The following SVOP variants were observed in gnomAD, a reference collection of about 807,000 sequenced individuals.
The protein encoded by SVOP is SV2 related protein, also known as synaptic vesicle 2-related protein.
Under a neutral mutation model 69.1 loss-of-function variants are expected in SVOP, and 17 were observed. That is an observed-to-expected ratio of 0.25 (90% CI 0.17 to 0.37). The LOEUF (loss-of-function observed/expected upper bound fraction) is 0.37. SVOP is among the 10% of genes least tolerant of loss of function. The pLI is 1.00. For missense variants in SVOP, 435 were observed against 597.5 expected (o/e 0.73, Z 2.84); for synonymous variants, 238 against 238.6 (o/e 1.00, Z 0.02).
chr12:108,969,354 C>A (rs1167301926), intron 5 of SVOP, among the ~76,000 whole-genome samples: 1 of 142,238 alleles, frequency 7.0e-6, no homozygotes, highest in African/African-American at 2.6e-5. Flanking sequence ...CTCTCTTTCT[C>A]CTTTCTTCTT....
chr12:108,919,750 C>T lies in SVOP; in HGVS notation c.1193G>A (p.Gly398Glu). The T allele has an allele frequency of 6.2e-7, 1 of 1,604,554 alleles. No homozygotes were observed. The highest frequency in any genetic ancestry group is 8.5e-7 in the Non-Finnish European group (1 of 1,175,562). ...LVTLWIIDRLGRKKTMALCFV... is the reference protein window; with the variant it reads ...LVTLWIIDRLERKKTMALCFV... ...GCACAGGGCCATGGTCTTCTTGCGC[C>T]CCAGGCGGTCAATAATCCACAGAGT... The change falls in exon 13 of 16, where the codon GGG (glycine) becomes GAG (glutamate). Residue 398 changes from glycine (G) to glutamate (E), a missense_variant. By Grantham distance (98) the Gly-to-Glu change is moderately conservative. Transcript: ENST00000610966.
At chr12:109,017,230 A>T (rs1047066419) in intron 1 of SVOP, among the ~76,000 whole-genome samples, 1 of 151,950 alleles carries the variant, frequency 6.6e-6, no homozygotes, top group Non-Finnish European at 1.5e-5. Flanking sequence ...TTAGATTCTC[A>T]TAGGAGCGTG....
At chr12:108,948,160 C>T (rs1320762792) in intron 6 of SVOP, among the ~76,000 whole-genome samples, 2 of 152,130 alleles carry the variant, frequency 1.3e-5, no homozygotes, top group Non-Finnish European at 2.9e-5. Flanking sequence ...ATGAACACTC[C>T]CTTAGCTCCC....
chr12:108,998,132 G>GA (rs2040247269), intron 1 of SVOP, among the ~76,000 whole-genome samples: 1 of 152,204 alleles, frequency 6.6e-6, no homozygotes, highest in Non-Finnish European at 1.5e-5. Context: ...TAATGGAGCT[G>GA]AAAACCAAGG....
intron 1 of SVOP, among the ~76,000 whole-genome samples, chr12:109,009,644 A>C (rs749207467): frequency 9.2e-5 from 14 of 151,916 alleles, no homozygotes; most frequent in Non-Finnish European, 1.9e-4. Flanking sequence ...CGAACTCCTA[A>C]CCTCAAGTGA....
rs1171181449 is a variant in SVOP at position 108,960,972 on chromosome 12, G to A, written c.529C>T (p.Leu177=). The change falls in exon 6 of 16, where the codon CTG becomes TTG. Residue 177 remains leucine (L), a synonymous_variant. Coordinates refer to ENST00000610966, the MANE Select transcript of SVOP (RefSeq NM_018711.5). ...SAFAPVYSWI[L]VLRGLVGFGI... Reference sequence around the variant, plus strand: ...AAGCCCACCAGGCCCCGGAGCACCAGGATCCAGCTATACACGGGCGCAAAT... The same window carrying A: ...AAGCCCACCAGGCCCCGGAGCACCAAGATCCAGCTATACACGGGCGCAAAT... 3 of 1,537,050 alleles carry A rather than the reference G, an allele frequency of 2.0e-6. No homozygotes were observed. Among genetic ancestry groups the A allele is most frequent in the Non-Finnish European group, 2.6e-6 (3 of 1,146,870 alleles).
rs1283487600 is a variant in SVOP at position 108,960,844 on chromosome 12, C to T, written c.578+79G>A. 2.7e-6 allele frequency: 4 copies of T among 1,489,660 alleles called. No homozygotes were observed. The African/African-American group carries it at 4.2e-5, about 15-fold the overall frequency. The allele number at this position is 1,489,660 out of a possible 1,614,324, so 92.3% of individuals were successfully genotyped here. ...GCACCCCTGCTGCCCCATCTCAGCC[C>T]CTAACTCCTGATCCAGACCATGAAC... On this transcript the variant is annotated intron_variant, in intron 6 of 15. Coordinates refer to ENST00000610966, the MANE Select transcript of SVOP (RefSeq NM_018711.5).
At chr12:109,006,601 C>T (rs553600146) in intron 1 of SVOP, among the ~76,000 whole-genome samples, 1 of 152,244 alleles carries the variant, frequency 6.6e-6, no homozygotes, top group African/African-American at 2.4e-5. Context: ...AAGGCAGAGG[C>T]TGCCGGCTTA....
chr12:108,922,769 T>C lies in SVOP; in HGVS notation c.1077A>G (p.Ala359=). 6.2e-7 allele frequency: 1 copy of C among 1,610,476 alleles called. No homozygotes were observed. Residue 359 remains alanine (A), a synonymous_variant, in exon 12 of 16, where the codon GCA becomes GCG. Coordinates refer to ENST00000610966, the MANE Select transcript of SVOP (RefSeq NM_018711.5). ...GISSRKKAVE[A]KCSLACEYLS... is the part of the protein sequence containing the mutation. ...GGTACTCGCAGGCCAGGCTGCATTT[T>C]GCCTCTACAGCCTTCTTCCGACTGG... is the stretch of plus-strand genomic sequence containing the variant.
rs1270692950 is a variant in SVOP at position 108,980,756 on chromosome 12, C to CAAA, written c.197-2096_197-2094dup. On this transcript the variant is annotated intron_variant, in intron 2 of 15. Coordinates refer to ENST00000610966, the MANE Select transcript of SVOP (RefSeq NM_018711.5). ...TGGGCAACAGAGCGAGACTCCGTCT[C>CAAA]AAAAAAAAAAAAAAAAAAATTAGCC... is the stretch of plus-strand genomic sequence containing the variant. 2.3e-4 allele frequency among the ~76,000 whole-genome samples: 14 copies of CAAA among 60,340 alleles called. 3 individuals carry two copies. The highest frequency in any genetic ancestry group is 7.7e-4 in the African/African-American group (10 of 12,912). 39.6% of individuals were successfully genotyped at this position (60,340 alleles called of 152,430 possible).
intron 15 of SVOP, among the ~76,000 whole-genome samples, chr12:108,914,684 T>C (rs1010358819): frequency 4.0e-5 from 6 of 151,898 alleles, no homozygotes; most frequent in African/African-American, 1.5e-4. Context: ...TTTTTGTGCC[T>C]CAGCCAGAAT....
chr12:108,922,629 T>C, intron 12 of SVOP, 61 bp downstream of exon 12: 1 of 1,284,824 alleles, frequency 7.8e-7, no homozygotes, highest in Non-Finnish European at 1.1e-6. Flanking sequence ...AGCCACCAGC[T>C]GAACAATTGC....
rs1198979723 is a variant in SVOP at position 109,001,490 on chromosome 12, C to T, written c.36-17729G>A. Among the ~76,000 whole-genome samples, 172 of 149,298 alleles carry T rather than the reference C, an allele frequency of 1.2e-3. 1 individual carries two copies. The highest frequency in any genetic ancestry group is 3.9e-3 in the African/African-American group (158 of 40,648). ...GTTCATATGGAACCAAAAAAGAGCC[C>T]GCATTGCCAAGTCAATCCTAAGCCA... On this transcript the variant is annotated intron_variant, in intron 1 of 15. Coordinates refer to ENST00000610966, the MANE Select transcript of SVOP (RefSeq NM_018711.5).
intron 1 of SVOP, among the ~76,000 whole-genome samples, chr12:108,997,325 C>G (rs969508560): frequency 3.3e-5 from 5 of 152,140 alleles, no homozygotes; most frequent in African/African-American, 1.2e-4. Context: ...CACGGAGTCT[C>G]GCTGATTGCT....
chr12:108,965,673 C>T (rs1207583188), intron 5 of SVOP, among the ~76,000 whole-genome samples: 1 of 152,136 alleles, frequency 6.6e-6, no homozygotes, highest in African/African-American at 2.4e-5. Flanking sequence ...CTATGGGTTA[C>T]CAGTTTGCAA....
chr12:109,001,656 A>G (rs2040270656), intron 1 of SVOP, among the ~76,000 whole-genome samples: 1 of 140,928 alleles, frequency 7.1e-6, no homozygotes, highest in African/African-American at 2.7e-5. Flanking sequence ...ATAATGCCGC[A>G]TATCTACAAC....
intron 5 of SVOP, among the ~76,000 whole-genome samples, chr12:108,966,593 A>C (rs1189816169): frequency 6.6e-6 from 1 of 152,008 alleles, no homozygotes; most frequent in African/African-American, 2.4e-5. Context: ...TTATAATTAG[A>C]GTCTGATCTG....
At chr12:108,927,589 CTTTT>C (rs10679632) in intron 11 of SVOP, among the ~76,000 whole-genome samples, 55,595 of 131,320 alleles carry the variant, frequency 0.42, 13,055 homozygotes, top group South Asian at 0.56. Flanking sequence ...CTCTCTCTCT[CTTTT>C]TTTTTTTTTT....
rs1479224268 is a variant in SVOP at position 108,937,349 on chromosome 12, C to A, written c.898-12G>T. Reference sequence around the variant, plus strand: ...TTGCCTCGGTCTTCCTGTTTCAAAACAAGGACATAGTGTTTATTCTCTCCC... The same window carrying A: ...TTGCCTCGGTCTTCCTGTTTCAAAAAAAGGACATAGTGTTTATTCTCTCCC... On this transcript the variant is annotated splice_polypyrimidine_tract_variant and intron_variant, in intron 9 of 15. Coordinates refer to ENST00000610966, the MANE Select transcript of SVOP (RefSeq NM_018711.5). 1 of 1,613,574 alleles carries A rather than the reference C, an allele frequency of 6.2e-7. No individual in the cohort carries two copies. The highest frequency in any genetic ancestry group is 2.2e-5 in the East Asian group (1 of 44,882).
Sources: gnomAD v4.1 joint callset for allele counts (sites outside exome capture counted in the v4.1 genomes callset) on GRCh38, gnomAD v4.1.1 for gene constraint, MANE v1.5 for transcripts, NCBI Gene and HGNC (gene_info 2026-07-23, HGNC 2026-07-21) for gene names.